Variants in GRTP1 observed in about 807,000 individuals in gnomAD.
The protein encoded by GRTP1 is growth hormone-regulated TBC protein 1.
A neutral mutation model predicts 38.1 loss-of-function variants in GRTP1; 56 were observed. The observed-to-expected ratio is 1.47, with a 90% CI of 1.19 to 1.84. GRTP1 has a LOEUF of 1.84. GRTP1 is among the 40% of genes most tolerant of loss of function. The probability of loss-of-function intolerance (pLI) is 0.00; values close to 1 mark genes in which losing one functional copy is unlikely to be tolerated. For synonymous variants in GRTP1, 217 were observed against 189.5 expected (o/e 1.14, Z -1.19); for missense variants, 506 against 453.9 (o/e 1.11, Z -1.04).
chr13:113,328,131 A>T (rs545802308), intron 5 of GRTP1, among the ~76,000 whole-genome samples: 87 of 152,288 alleles, frequency 5.7e-4, no homozygotes, highest in Non-Finnish European at 1.1e-3. Flanking sequence ...TGATGTTCCC[A>T]GGTGACCACC....
Position 113,329,446 on chromosome 13 carries a change from CCA to C in GRTP1, c.563-3357_563-3356del, listed in dbSNP as rs527362264. On this transcript the variant is annotated intron_variant, in intron 5 of 7. Coordinates refer to ENST00000375431, the MANE Select transcript of GRTP1 (RefSeq NM_024719.4). ...TACAAAAATTAGCTGGGCGTGGTGG[CCA>C]GCACCTGTAATCCCAGCTACTCAGC... Among the ~76,000 whole-genome samples the C allele has an allele frequency of 3.3e-3, 508 of 152,136 alleles. 2 individuals carry two copies. Among genetic ancestry groups the C allele is most frequent in the African/African-American group, 0.012 (492 of 41,508 alleles).
Position 113,348,067 on chromosome 13 carries a change from T to C in GRTP1, c.465+2782A>G, listed in dbSNP as rs4907615. ...CCGGGAGGATCTCCGTGGCTGAGAA[T>C]GGACCCCTTTGAGTGGACAGTGCTA... is the stretch of plus-strand genomic sequence containing the variant. On this transcript the variant is annotated intron_variant, in intron 4 of 7. Coordinates refer to ENST00000375431, the MANE Select transcript of GRTP1 (RefSeq NM_024719.4). This position sits in a 1 kb window ranked among gnomAD's most constrained non-coding sequence, Gnocchi z 4.8. 1 allele frequency among the ~76,000 whole-genome samples: 151,978 copies of C among 151,988 alleles called. 75,984 individuals carry two copies. Among genetic ancestry groups the C allele is most frequent in the Non-Finnish European group, 1 (67,942 of 67,942 alleles).
At chr13:113,358,016 TAAAAAAAATAC>T (rs1274584692) in intron 2 of GRTP1, among the ~76,000 whole-genome samples, 1 of 151,534 alleles carries the variant, frequency 6.6e-6, no homozygotes, top group Non-Finnish European at 1.5e-5. Flanking sequence ...CCGTCTCTAC[TAAAAAAAATAC>T]AAAAATTAGC....
intron 5 of GRTP1, among the ~76,000 whole-genome samples, chr13:113,333,069 T>A (rs1305599514): frequency 6.6e-6 from 1 of 152,172 alleles, no homozygotes; most frequent in African/African-American, 2.4e-5. Flanking sequence ...ACTCATGACA[T>A]CAGGTCTTGA....
intron 5 of GRTP1, 29 bp downstream of exon 5, chr13:113,344,834 C>A: frequency 6.3e-7 from 1 of 1,578,470 alleles, no homozygotes; most frequent in Non-Finnish European, 8.6e-7. Context: ...CAGGACAGTT[C>A]GGGCATACCG....
intron 7 of GRTP1, chr13:113,325,284 C>A: frequency 7.8e-7 from 1 of 1,283,704 alleles, no homozygotes; most frequent in African/African-American, 1.5e-5. Flanking sequence ...CCTCAGAAGG[C>A]CTGTCAGGTA....
rs145527024 is a variant in GRTP1 at position 113,325,242 on chromosome 13, C to G, written c.921+419G>C. ...CTCCCTCTTAGGAAACTACTGACTC[C>G]CAGGCCTGAGCCTCTCCTGGCGTCT... On this transcript the variant is annotated intron_variant, in intron 7 of 7. Transcript: ENST00000375431. 5 of 1,203,922 alleles carry G rather than the reference C, an allele frequency of 4.2e-6. No individual in the cohort carries two copies. In the African/African-American group the frequency reaches 7.7e-5, roughly 18 times the overall value. 74.6% of individuals were successfully genotyped at this position (1,203,922 alleles called of 1,614,324 possible). A position where few individuals can be genotyped will look rare whatever the true frequency, so the allele number is the denominator to read the frequency against.
intron 5 of GRTP1, among the ~76,000 whole-genome samples, chr13:113,331,991 G>A (rs117973021): frequency 0.039 from 5,941 of 151,224 alleles, 166 homozygotes; most frequent in Middle Eastern, 0.092. Flanking sequence ...ATTTTGGGCC[G>A]GGTGCCATGT....
At chr13:113,346,181 G>A (rs868509703) in intron 4 of GRTP1, among the ~76,000 whole-genome samples, 3 of 136,412 alleles carry the variant, frequency 2.2e-5, no homozygotes, top group Admixed American at 7.5e-5. Context: ...GACCCGGGAG[G>A]ACCTCTGTGG....
rs1483847221 is a variant in GRTP1, at chr13:113,349,945, C to A, written c.465+904G>T. Among the ~76,000 whole-genome samples, 2 of 152,152 alleles carry A rather than the reference C, an allele frequency of 1.3e-5. No individual in the cohort carries two copies. The highest frequency in any genetic ancestry group is 2.9e-5 in the Non-Finnish European group (2 of 68,034). On this transcript the variant is annotated intron_variant, in intron 4 of 7. Transcript: ENST00000375431. The surrounding 1 kb of genome is among the most constrained non-coding windows in gnomAD (Gnocchi z 5.0). Reference sequence around the variant, plus strand: ...TAGAAACGTTTAAGCCAGCCACAACCCCTAGGAGCCCGTGAAGCACATGGC... The same window carrying A: ...TAGAAACGTTTAAGCCAGCCACAACACCTAGGAGCCCGTGAAGCACATGGC...
At chr13:113,347,350 CCA>C (rs1364401289) in intron 4 of GRTP1, among the ~76,000 whole-genome samples, 32 of 76,122 alleles carry the variant, frequency 4.2e-4, no homozygotes, top group South Asian at 1.0e-3. Flanking sequence ...ACCTCTGTGG[CCA>C]AGAACAGATC....
chr13:113,351,044 G>A (rs747342320), intron 3 of GRTP1, 71 bp from the exon 4 acceptor site: 28 of 1,597,656 alleles, frequency 1.8e-5, no homozygotes, highest in Middle Eastern at 1.7e-4. Flanking sequence ...CAGCTGCCCC[G>A]AGGGTGGCCA....
chr13:113,355,533 GC>G, intron 2 of GRTP1, 52 bp from the exon 3 acceptor site: 1 of 1,518,900 alleles, frequency 6.6e-7, no homozygotes. Flanking sequence ...GGCCTGCGGG[GC>G]CCACGCGTTC....
chr13:113,325,735 C>G lies in GRTP1; in HGVS notation c.847G>C (p.Val283Leu), dbSNP rs201611988. 11 of 1,614,082 alleles carry G rather than the reference C, an allele frequency of 6.8e-6. No homozygotes were observed. Among genetic ancestry groups the G allele is most frequent in the Non-Finnish European group, 9.3e-6 (11 of 1,180,030 alleles). The change falls in exon 7 of 8, where the codon GTT becomes CTT. Residue 283 changes from valine to leucine, a missense_variant. By Grantham distance (32) the Val-to-Leu change is conservative. Transcript: ENST00000375431. ...HQELILEATS[V>L]PDICDKFKQI... is the part of the protein sequence containing the mutation. ...TTAAACTTATCGCAAATGTCTGGAA[C>G]GCTGGTGGCTTCCAAAATCAACTCC...
In GRTP1 at chr13:113,325,849, G is replaced by T; in HGVS notation, c.736-3C>A. 1.9e-6 allele frequency: 3 copies of T among 1,613,920 alleles called. No homozygotes were observed. Among genetic ancestry groups the T allele is most frequent in the Non-Finnish European group, 2.5e-6 (3 of 1,179,876 alleles). Reference sequence around the variant, plus strand: ...CAGTCCCAGATCCGAAGCACTGTCTGCAGAGACATGGGAACCCGGTGTCAC... The same window carrying T: ...CAGTCCCAGATCCGAAGCACTGTCTTCAGAGACATGGGAACCCGGTGTCAC... On this transcript the variant is annotated splice_polypyrimidine_tract_variant and splice_region_variant and intron_variant, in intron 6 of 7. Transcript: ENST00000375431.
chr13:113,344,404 G>T (rs1247580889), intron 5 of GRTP1, among the ~76,000 whole-genome samples: 1 of 152,172 alleles, frequency 6.6e-6, no homozygotes, highest in Non-Finnish European at 1.5e-5. Context: ...CAATTTCAAA[G>T]AAATTTTTTT....
At chr13:113,338,830 C>T (rs1286020011) in intron 5 of GRTP1, among the ~76,000 whole-genome samples, 1 of 152,028 alleles carries the variant, frequency 6.6e-6, no homozygotes, top group Admixed American at 6.6e-5. Context: ...CTGGCCATTC[C>T]GGTCTCTATT....
chr13:113,324,614 C>G (rs763755615), intron 7 of GRTP1, 37 bp from the exon 8 acceptor site: 2 of 1,563,880 alleles, frequency 1.3e-6, no homozygotes, highest in South Asian at 1.2e-5. Flanking sequence ...ACAAACCCAA[C>G]AACCCATTTC....
In GRTP1 at chr13:113,363,891, C is replaced by G; in HGVS notation, c.52G>C (p.Glu18Gln). The change falls in exon 2 of 8, where the codon GAG (glutamate) becomes CAG (glutamine). Residue 18 changes from glutamate to glutamine, a missense_variant. Coordinates refer to ENST00000375431, the MANE Select transcript of GRTP1 (RefSeq NM_024719.4). ...GCGTCGTCGAAGTCCTCAGGCCGCT[C>G]GAATCCGTACGGGTCGATCCTGCAA... ...RVPRIDPYGF[E>Q]RPEDFDDAAY... 8 of 1,611,560 alleles carry G rather than the reference C, an allele frequency of 5.0e-6. No individual in the cohort carries two copies. The highest frequency in any genetic ancestry group is 6.8e-6 in the Non-Finnish European group (8 of 1,179,486).
Sources: allele counts gnomAD v4.1 joint callset (sites outside exome capture counted in the v4.1 genomes callset), GRCh38; gene constraint gnomAD v4.1.1; non-coding constraint Gnocchi (gnomAD v3.1); transcripts MANE v1.5; gene names NCBI Gene and HGNC (gene_info 2026-07-23, HGNC 2026-07-21).